BMAL1: variants seen among roughly 807,000 people sequenced by gnomAD.
BMAL1 encodes the protein basic helix-loop-helix ARNT like 1, also known as basic helix-loop-helix ARNT-like protein 1.
chr11:13,386,204 T>G, the BMAL1 span, among the ~76,000 whole-genome samples: 1 of 152,218 alleles, frequency 6.6e-6, no homozygotes, highest in Non-Finnish European at 1.5e-5. Flanking sequence ...CTAGATCTGT[T>G]TTTTTCCTAA....
chr11:13,381,105 A>G, the BMAL1 span: 17 of 1,570,552 alleles, frequency 1.1e-5, no homozygotes, highest in South Asian at 1.8e-4. Flanking sequence ...CCCCTTAACA[A>G]AGCACATACA....
At chr11:13,302,595 T>G in the BMAL1 span, among the ~76,000 whole-genome samples, 87,921 of 152,084 alleles carry the variant, frequency 0.58, 27,713 homozygotes, top group Non-Finnish European at 0.71. Context: ...TGTGGTTTAT[T>G]TGAGTTCCAT....
the BMAL1 span, among the ~76,000 whole-genome samples, chr11:13,368,210 G>GGT: frequency 9.9e-5 from 15 of 152,162 alleles, no homozygotes; most frequent in African/African-American, 3.6e-4. Context: ...CATAGTAATA[G>GGT]GTACAGCCAT....
the BMAL1 span, among the ~76,000 whole-genome samples, chr11:13,323,678 A>G: frequency 6.6e-6 from 1 of 152,174 alleles, no homozygotes; most frequent in East Asian, 1.9e-4. Flanking sequence ...GTGCAATGGT[A>G]TCATCTTGGC....
the BMAL1 span, among the ~76,000 whole-genome samples, chr11:13,382,237 C>T: frequency 1.3e-5 from 2 of 152,098 alleles, no homozygotes; most frequent in African/African-American, 4.8e-5. Flanking sequence ...TTTGAAAAAG[C>T]GTTTTGCTCC....
chr11:13,375,530 C>T, the BMAL1 span: 3 of 1,228,258 alleles, frequency 2.4e-6, no homozygotes, highest in Admixed American at 3.1e-5. Context: ...GCTCAAGTAC[C>T]TTTAATATTT....
the BMAL1 span, among the ~76,000 whole-genome samples, chr11:13,338,202 T>C: frequency 6.6e-6 from 1 of 152,032 alleles, no homozygotes; most frequent in South Asian, 2.1e-4. Context: ...TTTTTTTAAA[T>C]TCTTCTTGCC....
the BMAL1 span, among the ~76,000 whole-genome samples, chr11:13,383,706 A>T: frequency 6.6e-6 from 1 of 151,026 alleles, no homozygotes; most frequent in Admixed American, 6.6e-5. Context: ...AAAAAAAATT[A>T]TCCAGGTGTG....
chr11:13,378,333 G>T, the BMAL1 span: 1 of 1,604,372 alleles, frequency 6.2e-7, no homozygotes, highest in Non-Finnish European at 8.5e-7. Flanking sequence ...TTCCTTTGTT[G>T]TAGGTGGCCC....
At chr11:13,385,884 T>C in the BMAL1 span, 1 of 923,398 alleles carries the variant, frequency 1.1e-6, no homozygotes, top group Non-Finnish European at 1.7e-6. Flanking sequence ...TGAAACAAGC[T>C]AATCCTAGAT....
At chr11:13,283,154 T>G in the BMAL1 span, among the ~76,000 whole-genome samples, 1 of 152,218 alleles carries the variant, frequency 6.6e-6, no homozygotes, top group Non-Finnish European at 1.5e-5. Context: ...AAACTAATTC[T>G]TTATCTAGCC....
chr11:13,299,442 G>A, the BMAL1 span, among the ~76,000 whole-genome samples: 2 of 152,094 alleles, frequency 1.3e-5, no homozygotes, highest in East Asian at 3.9e-4. Flanking sequence ...GAAGGAATAG[G>A]AGAGCTGCCC....
At chr11:13,277,174 C>G in the BMAL1 span, 6 of 152,288 alleles carry the variant, frequency 3.9e-5, no homozygotes, top group Admixed American at 2.6e-4. Context: ...TAGGAAGGGT[C>G]TGGCACTCAA....
chr11:13,301,471 C>T, the BMAL1 span, among the ~76,000 whole-genome samples: 5 of 152,290 alleles, frequency 3.3e-5, no homozygotes, highest in South Asian at 8.3e-4. Flanking sequence ...GAAGGGGGCC[C>T]TGGGAGAGTC....
the BMAL1 span, chr11:13,366,934 A>G: frequency 2.0e-6 from 1 of 492,472 alleles, no homozygotes; most frequent in Non-Finnish European, 3.5e-6. Flanking sequence ...TCTTTGGCTA[A>G]ATGGAATTAT....
the BMAL1 span, among the ~76,000 whole-genome samples, chr11:13,321,984 G>A: frequency 1.3e-5 from 2 of 152,218 alleles, no homozygotes; most frequent in East Asian, 1.9e-4. Context: ...GGTTCGGGTG[G>A]TCCTAGGGAC....
chr11:13,337,722 T>C, the BMAL1 span, among the ~76,000 whole-genome samples: 2 of 152,242 alleles, frequency 1.3e-5, no homozygotes, highest in Non-Finnish European at 2.9e-5. Flanking sequence ...GGTCTTTGTG[T>C]TTCATCTTTT....
chr11:13,313,110 C>G, the BMAL1 span, among the ~76,000 whole-genome samples: 2 of 152,218 alleles, frequency 1.3e-5, no homozygotes, highest in Non-Finnish European at 2.9e-5. Flanking sequence ...TTTTACTTGG[C>G]TGCCATTGCC....
chr11:13,320,878 C>T, the BMAL1 span, among the ~76,000 whole-genome samples: 1 of 152,108 alleles, frequency 6.6e-6, no homozygotes, highest in African/African-American at 2.4e-5. Context: ...ATTAATTAAC[C>T]TTCTAGGTGG....
Sources: gnomAD v4.1 joint callset for allele counts (sites outside exome capture counted in the v4.1 genomes callset) on GRCh38, gnomAD v4.1.1 for gene constraint, MANE v1.5 for transcripts, NCBI Gene and HGNC (gene_info 2026-07-23, HGNC 2026-07-21) for gene names.